PLXNA3: variants seen among roughly 807,000 people sequenced by gnomAD.
The protein encoded by PLXNA3 is plexin A3, also known as plexin-A3.
In PLXNA3, 52 loss-of-function variants were observed where a neutral mutation model predicts 118.8. That is an observed-to-expected ratio of 0.44 (90% CI 0.35 to 0.55). The LOEUF (loss-of-function observed/expected upper bound fraction) is 0.55, where lower values mean the gene tolerates loss of function less well. Among genes scored for constraint, PLXNA3 ranks in the 20% least tolerant of loss-of-function variants. The pLI is 0.01. For missense variants in PLXNA3, 1,660 were observed against 1,730.8 expected, an observed-to-expected ratio of 0.96 and a Z score of 0.73; for synonymous variants, 925 against 762.4, an observed-to-expected ratio of 1.21 and a Z score of -3.51.
rs2069202039 is a variant in PLXNA3, at chrX:154,472,807, A to T, written c.*122A>T. The T allele has an allele frequency of 4.0e-6, 2 of 504,476 alleles. No homozygotes were observed. The highest frequency in any genetic ancestry group is 7.0e-6 in the Non-Finnish European group (2 of 284,083). The allele number at this position is 504,476 out of a possible 1,213,427, so 41.6% of individuals were successfully genotyped here. ...TGGATTGGGTATCGTGGGGCAGGTCACCCTGGCCACGATGCCCCCGGCACA... is the reference window on the plus strand; with the variant it reads ...TGGATTGGGTATCGTGGGGCAGGTCTCCCTGGCCACGATGCCCCCGGCACA... On this transcript the variant is annotated 3_prime_UTR_variant, in exon 33 of 33. Transcript: ENST00000369682.
At position 154,461,126 on chromosome X, in the gene PLXNA3, C is replaced by G; in HGVS notation, c.622C>G (p.Gln208Glu). The change falls in exon 3 of 33, where the codon CAG (glutamine) becomes GAG (glutamate). Residue 208 changes from glutamine (Q) to glutamate (E), a missense_variant. Physicochemically the swap from Gln to Glu is conservative, Grantham distance 29. Transcript: ENST00000369682. ...LVYQDEFVSS[Q>E]IKIPSDTLSL... ...GTACCAGGATGAGTTTGTGTCCTCC[C>G]AGATCAAGATCCCCTCAGACACGCT... 1.7e-6 allele frequency: 2 copies of G among 1,204,710 alleles called. No individual in the cohort carries two copies. The highest frequency in any genetic ancestry group is 2.2e-6 in the Non-Finnish European group (2 of 890,007).
rs782228749 is a variant in PLXNA3, at chrX:154,466,387, T to C, written c.2811T>C (p.Phe937=). The change falls in exon 16 of 33, where the codon TTT becomes TTC. Residue 937 remains phenylalanine, a synonymous_variant. Coordinates refer to ENST00000369682, the MANE Select transcript of PLXNA3 (RefSeq NM_017514.5). ...EQVYSFVTPT[F]DQVSPSRGPA... ...AGCTTCTCCCGCAGACCCCAACGTT[T>C]GACCAAGTGAGTCCCAGCCGTGGCC... The C allele has an allele frequency of 1.7e-6, 2 of 1,211,582 alleles. No homozygotes were observed. Among genetic ancestry groups the C allele is most frequent in the South Asian group, 3.5e-5 (2 of 57,020 alleles).
rs782269939 is a variant in PLXNA3 at position 154,462,300 on chromosome X, G to C, written c.1307G>C (p.Ser436Thr). The change falls in exon 4 of 33, where the codon AGC becomes ACC. Residue 436 changes from serine (S) to threonine (T), a missense_variant. Around this residue, in one of 2 missense-constraint regions of PLXNA3, gnomAD observed 791 missense variants for 652.1 expected, o/e 1.21. Transcript: ENST00000369682. The part of the protein sequence containing the change: ...SVVFIGTRSG[S>T]LKKVRVDGFQ... ...GTCTTCATTGGCACGCGCAGCGGCA[G>C]CTTGAAGAAGGTGGCCCCCAGAGCC... 10 of 1,150,814 alleles carry C rather than the reference G, an allele frequency of 8.7e-6. No homozygotes were observed. The South Asian group carries it at 1.0e-4, about 12-fold the overall frequency. 94.8% of individuals were successfully genotyped at this position (1,150,814 alleles called of 1,213,427 possible). A position where few individuals can be genotyped will look rare whatever the true frequency, so the allele number is the denominator to read the frequency against.
chrX:154,460,022 A>G, intron 1 of PLXNA3, 135 bp from the exon 2 acceptor site: 2 of 430,117 alleles, frequency 4.6e-6, no homozygotes, highest in South Asian at 7.2e-5. Flanking sequence ...CTGGCTGCTC[A>G]CTCATGCGCC....
intron 11 of PLXNA3, 73 bp from the exon 12 acceptor site, chrX:154,465,351 G>C (rs2069062490): frequency 9.6e-7 from 1 of 1,040,408 alleles, no homozygotes; most frequent in Non-Finnish European, 1.3e-6. Flanking sequence ...TGGAGGAGGG[G>C]GGCAGCTGGC....
At position 154,464,848 on chromosome X, in the gene PLXNA3, G is replaced by C; in HGVS notation, c.2023G>C (p.Gly675Arg). The change falls in exon 10 of 33, where the codon GGC becomes CGC. Residue 675 changes from glycine to arginine, a missense_variant. Gly to Arg is a moderately radical substitution (Grantham distance 125). Around this residue, in one of 2 missense-constraint regions of PLXNA3, gnomAD observed 791 missense variants for 652.1 expected, o/e 1.21. Transcript: ENST00000369682. The stretch of plus-strand genomic sequence containing the variant: ...CCCCCACGAGTGCTCCTTCCAGGAG[G>C]GCAGGGTCCACAGCCCTGAGGTGAG... ...SRPHECSFQE[G>R]RVHSPEGCPE... 1.7e-6 allele frequency: 2 copies of C among 1,202,412 alleles called. No homozygotes were observed. The highest frequency in any genetic ancestry group is 2.2e-6 in the Non-Finnish European group (2 of 889,264).
Position 154,467,907 on chromosome X carries a change from C to T in PLXNA3, c.3726C>T (p.Tyr1242=). Residue 1242 remains tyrosine (Y), a synonymous_variant, in exon 21 of 33, where the codon TAC becomes TAT. Coordinates refer to ENST00000369682, the MANE Select transcript of PLXNA3 (RefSeq NM_017514.5). ...CCATCACAGCCGTGCTGGTGGCCTA[C>T]AAGCGCAAGACTCAGGACGCGGACC... The part of the protein sequence containing the change: ...LLAITAVLVA[Y]KRKTQDADRT... 1 of 1,210,508 alleles carries T rather than the reference C, an allele frequency of 8.3e-7. No individual in the cohort carries two copies. The highest frequency in any genetic ancestry group is 1.1e-6 in the Non-Finnish European group (1 of 895,203).
rs2069168603 is a variant in PLXNA3 at position 154,470,523 on chromosome X, A to G, written c.5068A>G (p.Ile1690Val). ...CCGGGGCTCGGCCCTGCCCCTGGCCATCAAGTACATGTTCGACTTCCTGGA... is the reference window on the plus strand; with the variant it reads ...CCGGGGCTCGGCCCTGCCCCTGGCCGTCAAGTACATGTTCGACTTCCTGGA... ...AHRGSALPLA[I>V]KYMFDFLDEQ... is the part of the protein sequence containing the mutation. Residue 1690 changes from isoleucine (I) to valine (V), a missense_variant, in exon 30 of 33, where the codon ATC becomes GTC. Physicochemically the swap from Ile to Val is conservative, Grantham distance 29. This residue lies in a region of PLXNA3 where 869 missense variants were observed against 1,078.7 expected (regional missense o/e 0.81). Transcript: ENST00000369682. 1.7e-6 allele frequency: 2 copies of G among 1,211,472 alleles called. No individual in the cohort carries two copies. Among genetic ancestry groups the G allele is most frequent in the Non-Finnish European group, 1.1e-6 (1 of 895,152 alleles).
chrX:154,459,564 G>T (rs1202188894), intron 1 of PLXNA3, among the ~76,000 whole-genome samples: 2 of 112,560 alleles, frequency 1.8e-5, no homozygotes, highest in Admixed American at 9.3e-5. Flanking sequence ...GCGCGACTTG[G>T]CTTTGTGTTG....
chrX:154,469,400 C>T lies in PLXNA3; in HGVS notation c.4616C>T (p.Thr1539Ile). ...MDLEWRQGRM[T>I]RIILQDEDVT... ...ACAGAGTGGCGCCAGGGCCGCATGA[C>T]TCGCATCATCCTCCAGGATGAGGAT... The change falls in exon 27 of 33, where the codon ACT becomes ATT. Residue 1539 changes from threonine (T) to isoleucine (I), a missense_variant. This residue lies in a region of PLXNA3 where 869 missense variants were observed against 1,078.7 expected (regional missense o/e 0.81). Transcript: ENST00000369682. 1.7e-6 allele frequency: 2 copies of T among 1,209,668 alleles called. No homozygotes were observed. Among genetic ancestry groups the T allele is most frequent in the African/African-American group, 3.5e-5 (2 of 57,962 alleles).
chrX:154,469,752 C>T lies in PLXNA3; in HGVS notation c.4763C>T (p.Ser1588Phe), dbSNP rs1173541081. Residue 1588 changes from serine to phenylalanine, a missense_variant, in exon 28 of 33, where the codon TCC (serine) becomes TTC (phenylalanine). Around this residue, in one of 2 missense-constraint regions of PLXNA3, gnomAD observed 869 missense variants for 1,078.7 expected, o/e 0.81. Coordinates refer to ENST00000369682, the MANE Select transcript of PLXNA3 (RefSeq NM_017514.5). Reference sequence around the variant, plus strand: ...GTGTCTGCCTATAACATGGCCAACTCCTTCACCTTCACCCGCTCCCTCAGC... The same window carrying T: ...GTGTCTGCCTATAACATGGCCAACTTCTTCACCTTCACCCGCTCCCTCAGC... ...KQVSAYNMAN[S>F]FTFTRSLSRY... 2 of 1,209,852 alleles carry T rather than the reference C, an allele frequency of 1.7e-6. No homozygotes were observed. Among genetic ancestry groups the T allele is most frequent in the Admixed American group, 4.3e-5 (2 of 46,144 alleles).
At chrX:154,470,206 A>T (rs371443852) in intron 29 of PLXNA3, 39 bp downstream of exon 29, 17 of 1,169,836 alleles carry the variant, frequency 1.5e-5, no homozygotes, top group Non-Finnish European at 2.0e-5. Flanking sequence ...CTCCGCCCAG[A>T]GGTTGTCCCG....
At position 154,467,126 on chromosome X, in the gene PLXNA3, G is replaced by C; in HGVS notation, c.3177G>C (p.Lys1059Asn). 8.3e-7 allele frequency: 1 copy of C among 1,210,758 alleles called. No individual in the cohort carries two copies. Among genetic ancestry groups the C allele is most frequent in the Non-Finnish European group, 1.1e-6 (1 of 895,165 alleles). The change falls in exon 18 of 33, where the codon AAG becomes AAC. Residue 1059 changes from lysine (K) to asparagine (N), a missense_variant. By Grantham distance (94) the Lys-to-Asn change is moderately conservative. Around this residue, in one of 2 missense-constraint regions of PLXNA3, gnomAD observed 869 missense variants for 1,078.7 expected, o/e 0.81. Transcript: ENST00000369682. Reference sequence around the variant, plus strand: ...TCCAGGAGCCCCGGGTCCGTGCCAAGTACCGCGGCATTGAGACCACCAATG... The same window carrying C: ...TCCAGGAGCCCCGGGTCCGTGCCAACTACCGCGGCATTGAGACCACCAATG... Reference protein sequence around the residue: ...LTVQEPRVRAKYRGIETTNTC... With the variant: ...LTVQEPRVRANYRGIETTNTC...
chrX:154,470,851 A>G lies in PLXNA3; in HGVS notation c.5156+240A>G. 4 of 448,393 alleles carry G rather than the reference A, an allele frequency of 8.9e-6. No individual in the cohort carries two copies. In the South Asian group the frequency reaches 9.9e-5, roughly 11 times the overall value. The allele number at this position is 448,393 out of a possible 1,213,427, so 37.0% of individuals were successfully genotyped here. ...AGGCCTTTGCCCTCTGGGGTCTTGC[A>G]CCAGGTAGAGATGCTGGTGGTCGGT... is the stretch of plus-strand genomic sequence containing the variant. On this transcript the variant is annotated intron_variant, in intron 30 of 32. Coordinates refer to ENST00000369682, the MANE Select transcript of PLXNA3 (RefSeq NM_017514.5).
chrX:154,460,321 C>T lies in PLXNA3; in HGVS notation c.138C>T (p.Phe46=), dbSNP rs147816954. Residue 46 remains phenylalanine (F), a synonymous_variant, in exon 2 of 33, where the codon TTC becomes TTT. Transcript: ENST00000369682. ...TGCACCGGGTGACTGGGGAGGTGTT[C>T]GTGGGCGCAGTGAACCGAGTCTTTA... ...LAVHRVTGEV[F]VGAVNRVFKL... 388 of 1,209,056 alleles carry T rather than the reference C, an allele frequency of 3.2e-4. 2 individuals carry two copies. Among genetic ancestry groups the T allele is most frequent in the Middle Eastern group, 1.6e-3 (7 of 4,294 alleles).
chrX:154,467,985 C>T lies in PLXNA3; in HGVS notation c.3804C>T (p.Ala1268=), dbSNP rs373989827. Residue 1268 remains alanine, a synonymous_variant, in exon 21 of 33, where the codon GCC becomes GCT. Transcript: ENST00000369682. The part of the protein sequence containing the change: ...LQMDNLESRV[A]LECKEAFAEL... ...TGGACAACCTGGAGTCCCGTGTGGC[C>T]CTGGAGTGCAAGGAAGGTGCCTGAG... The T allele has an allele frequency of 8.3e-6, 10 of 1,208,341 alleles. No individual in the cohort carries two copies. The highest frequency in any genetic ancestry group is 1.1e-5 in the Non-Finnish European group (10 of 892,976).
At position 154,460,221 on chromosome X, in the gene PLXNA3, C is replaced by T. The variant is rs782125563; in HGVS notation, c.38C>T (p.Ala13Val). 6 of 1,207,689 alleles carry T rather than the reference C, an allele frequency of 5.0e-6. No homozygotes were observed. The highest frequency in any genetic ancestry group is 3.5e-5 in the African/African-American group (2 of 57,360). ...TGCCTCCTCCTGCTGCTCTTCCTTG[C>T]CGTGGGGGGGGCCCTGGGCAACAGG... ...SVCLLLLLFL[A>V]VGGALGNRPF... is the part of the protein sequence containing the mutation. The change falls in exon 2 of 33, where the codon GCC becomes GTC. Residue 13 changes from alanine to valine, a missense_variant. Physicochemically the swap from Ala to Val is moderately conservative, Grantham distance 64. Transcript: ENST00000369682.
At position 154,469,966 on chromosome X, in the gene PLXNA3, C is replaced by T. The variant is rs781995009; in HGVS notation, c.4796-11C>T. ...TGGTGGCCTAAGGGTCACATGCATT[C>T]TCTGCTCCAGAGAGCTTGCTCCGCA... is the stretch of plus-strand genomic sequence containing the variant. On this transcript the variant is annotated splice_polypyrimidine_tract_variant and intron_variant, in intron 28 of 32. Coordinates refer to ENST00000369682, the MANE Select transcript of PLXNA3 (RefSeq NM_017514.5). The T allele has an allele frequency of 1.7e-6, 2 of 1,207,527 alleles. No individual in the cohort carries two copies. Among genetic ancestry groups the T allele is most frequent in the Admixed American group, 2.2e-5 (1 of 45,945 alleles).
chrX:154,460,187 C>T lies in PLXNA3; in HGVS notation c.4C>T (p.Pro2Ser). The change falls in exon 2 of 33, where the codon CCC (proline) becomes TCC (serine). Residue 2 changes from proline to serine, a missense_variant. Around this residue, in one of 2 missense-constraint regions of PLXNA3, gnomAD observed 791 missense variants for 652.1 expected, o/e 1.21. Transcript: ENST00000369682. M[P>S]SVCLLLLLFL... ...TCCCCAGGCGCGGCTGCCGGCCATG[C>T]CCTCTGTCTGCCTCCTCCTGCTGCT... The T allele has an allele frequency of 8.4e-7, 1 of 1,197,367 alleles. No individual in the cohort carries two copies. Among genetic ancestry groups the T allele is most frequent in the Non-Finnish European group, 1.1e-6 (1 of 884,892 alleles).
Sources: allele counts gnomAD v4.1 joint callset (sites outside exome capture counted in the v4.1 genomes callset), GRCh38; gene constraint gnomAD v4.1.1; regional missense constraint gnomAD v4.1.1; transcripts MANE v1.5; gene names NCBI Gene and HGNC (gene_info 2026-07-23, HGNC 2026-07-21).